ROR1: variants seen among roughly 807,000 people sequenced by gnomAD.
The protein encoded by ROR1 is ROR family WNT receptor 1, also known as inactive tyrosine-protein kinase transmembrane receptor ROR1.
A neutral mutation model predicts 78.8 loss-of-function variants in ROR1; 19 were observed. The observed-to-expected ratio is 0.24, with a 90% confidence interval of 0.17 to 0.35. The LOEUF is 0.35. ROR1 is among the 10% of genes least tolerant of loss of function. ROR1 has a pLI of 1.00. For synonymous variants in ROR1, 386 were observed against 433.6 expected (o/e 0.89, Z 1.36); for missense variants, 917 against 1,177.8 (o/e 0.78, Z 3.24).
At chr1:63,984,367 C>T (rs1289017267) in intron 1 of ROR1, among the ~76,000 whole-genome samples, 1 of 152,142 alleles carries the variant, frequency 6.6e-6, no homozygotes, top group African/African-American at 2.4e-5. Context: ...ATATTTGTCT[C>T]CTCTACCCCA....
Position 64,179,024 on chromosome 1 carries a change from GAAAAAA to G in ROR1, c.*186_*191del. On this transcript the variant is annotated 3_prime_UTR_variant, in exon 9 of 9. Transcript: ENST00000371079. ...ACCAAGCAGGACAGACACTCGGCCA[GAAAAAA>G]AAAAAAAAAAAAAAAACAAGCAAAC... 62 of 156,818 alleles carry G rather than the reference GAAAAAA, an allele frequency of 4.0e-4. No individual in the cohort carries two copies. The highest frequency in any genetic ancestry group is 7.5e-4 in the East Asian group (4 of 5,356). 9.7% of individuals were successfully genotyped at this position (156,818 alleles called of 1,614,324 possible).
chr1:64,127,040 C>G (rs1287081678), intron 4 of ROR1, among the ~76,000 whole-genome samples: 1 of 152,128 alleles, frequency 6.6e-6, no homozygotes, highest in Non-Finnish European at 1.5e-5. Context: ...AGTTTGTTTC[C>G]TCAATATTTT....
intron 4 of ROR1, among the ~76,000 whole-genome samples, chr1:64,103,041 G>A (rs1647627257): frequency 1.3e-5 from 2 of 152,176 alleles, no homozygotes; most frequent in Admixed American, 1.3e-4. Flanking sequence ...ACACAAGAAT[G>A]AGGCTCTTCT....
intron 1 of ROR1, among the ~76,000 whole-genome samples, chr1:63,974,690 T>A (rs1034663015): frequency 6.6e-6 from 1 of 152,084 alleles, no homozygotes; most frequent in African/African-American, 2.4e-5. Flanking sequence ...CAGGCTGGAG[T>A]GCAGTGGTAT....
intron 7 of ROR1, among the ~76,000 whole-genome samples, chr1:64,151,827 G>A (rs1303565936): frequency 1.3e-5 from 2 of 150,244 alleles, no homozygotes; most frequent in African/African-American, 4.9e-5. Context: ...AGGTTACAGC[G>A]AGCTGAGATT....
At chr1:64,149,829 T>C (rs1649571151) in intron 7 of ROR1, among the ~76,000 whole-genome samples, 2 of 152,224 alleles carry the variant, frequency 1.3e-5, no homozygotes, top group African/African-American at 4.8e-5. Flanking sequence ...GGTTCACCAT[T>C]TCACTGTAGC....
chr1:63,983,770 C>G (rs1646229662), intron 1 of ROR1, among the ~76,000 whole-genome samples: 1 of 152,130 alleles, frequency 6.6e-6, no homozygotes, highest in Non-Finnish European at 1.5e-5. Context: ...GACTTCAGAA[C>G]CTAACAGGCA....
intron 1 of ROR1, among the ~76,000 whole-genome samples, chr1:63,953,692 T>C (rs1645959364): frequency 6.6e-6 from 1 of 152,172 alleles, no homozygotes; most frequent in Non-Finnish European, 1.5e-5. Context: ...GAGAGTACTG[T>C]AGGCAGAAAG....
chr1:63,907,978 A>G (rs184915302), intron 1 of ROR1, among the ~76,000 whole-genome samples: 67 of 152,316 alleles, frequency 4.4e-4, no homozygotes, highest in African/African-American at 1.6e-3. Context: ...TCTGCATCTG[A>G]AACTTTTCTG....
At chr1:64,017,006 C>T (rs1323263484) in intron 2 of ROR1, among the ~76,000 whole-genome samples, 2 of 151,932 alleles carry the variant, frequency 1.3e-5, no homozygotes, top group Non-Finnish European at 2.9e-5. Flanking sequence ...CAGCCTCCAT[C>T]TCTCAGTCTC....
In ROR1 at chr1:63,966,143, C is replaced by T. The variant is rs958146001; in HGVS notation, c.92-43162C>T. ...ATCTTTATGTTCTATCATGTAATTT[C>T]GCCAATGTGGTTAAAACCAGTTAGT... On this transcript the variant is annotated intron_variant, in intron 1 of 8. Coordinates refer to ENST00000371079, the MANE Select transcript of ROR1 (RefSeq NM_005012.4). Among the ~76,000 whole-genome samples, 42 of 152,274 alleles carry T rather than the reference C, an allele frequency of 2.8e-4. 1 individual carries two copies. The highest frequency in any genetic ancestry group is 1.8e-3 in the Admixed American group (27 of 15,292).
At chr1:63,927,641 C>G (rs890760696) in intron 1 of ROR1, among the ~76,000 whole-genome samples, 1 of 151,810 alleles carries the variant, frequency 6.6e-6, no homozygotes, top group Non-Finnish European at 1.5e-5. Flanking sequence ...AGACGAGGAA[C>G]CTGTGGCTCA....
At chr1:63,837,478 G>A (rs1372619251) in intron 1 of ROR1, among the ~76,000 whole-genome samples, 1 of 152,034 alleles carries the variant, frequency 6.6e-6, no homozygotes, top group Admixed American at 6.6e-5. Context: ...AGTAGAGCAG[G>A]TTTTTTTCTT....
At chr1:64,041,616 C>T (rs1453236310) in intron 2 of ROR1, among the ~76,000 whole-genome samples, 1 of 152,126 alleles carries the variant, frequency 6.6e-6, no homozygotes, top group Non-Finnish European at 1.5e-5. Flanking sequence ...CAGAACCATT[C>T]TTAATGTGTG....
At chr1:64,159,762 C>T (rs1248266591) in intron 8 of ROR1, among the ~76,000 whole-genome samples, 1 of 152,044 alleles carries the variant, frequency 6.6e-6, no homozygotes, top group Non-Finnish European at 1.5e-5. Flanking sequence ...AAGTGTTGTC[C>T]TTCCAATAGT....
chr1:64,119,881 G>C lies in ROR1; in HGVS notation c.483-17488G>C, dbSNP rs557561782. 2.0e-5 allele frequency among the ~76,000 whole-genome samples: 3 copies of C among 152,286 alleles called. No individual in the cohort carries two copies. In the East Asian group the frequency reaches 5.8e-4, roughly 29 times the overall value. ...CTAGGATTTGAACTCTGGTTTATTT[G>C]ATTCCAAAGCCCTTGCTCTTGGATG... On this transcript the variant is annotated intron_variant, in intron 4 of 8. Transcript: ENST00000371079.
intron 1 of ROR1, among the ~76,000 whole-genome samples, chr1:63,945,568 T>A (rs1645880354): frequency 6.6e-6 from 1 of 152,186 alleles, no homozygotes. Flanking sequence ...CCAGAATCAG[T>A]CTACTGTTGC....
chr1:63,880,209 A>G (rs949865576), intron 1 of ROR1, among the ~76,000 whole-genome samples: 2 of 152,222 alleles, frequency 1.3e-5, no homozygotes, highest in Admixed American at 6.6e-5. Flanking sequence ...TGCCTGGTTC[A>G]AAGTAAGAGC....
intron 4 of ROR1, among the ~76,000 whole-genome samples, chr1:64,055,030 T>A (rs1646863006): frequency 2.0e-5 from 3 of 152,180 alleles, no homozygotes; most frequent in Non-Finnish European, 4.4e-5. Flanking sequence ...TGTATTGGGA[T>A]CCACCGTGAC....
Sources: allele counts gnomAD v4.1 joint callset (sites outside exome capture counted in the v4.1 genomes callset), GRCh38; gene constraint gnomAD v4.1.1; transcripts MANE v1.5; gene names NCBI Gene and HGNC (gene_info 2026-07-23, HGNC 2026-07-21).